Variants in DLG2 observed in about 807,000 individuals in gnomAD.
DLG2 encodes disks large homolog 2.
Under a neutral mutation model 132.5 loss-of-function variants are expected in DLG2, and 45 were observed. The ratio of observed to expected loss-of-function variants is 0.34; its 90% CI spans 0.27 to 0.44. The LOEUF is 0.44. Ranked by LOEUF, DLG2 falls within the 20% of genes least tolerant of loss-of-function variation. DLG2 has a pLI of 1.00. For synonymous variants in DLG2, 424 were observed against 419.6 expected (o/e 1.01, Z -0.13); for missense variants, 1,045 against 1,196.9 (o/e 0.87, Z 1.87).
At chr11:85,040,913 A>C (rs909107044) in intron 6 of DLG2, among the ~76,000 whole-genome samples, 8 of 151,868 alleles carry the variant, frequency 5.3e-5, no homozygotes, top group African/African-American at 1.9e-4. Context: ...GGAAACTAAG[A>C]GAAAAACGAT....
At chr11:84,794,550 A>T (rs1006448242) in intron 6 of DLG2, among the ~76,000 whole-genome samples, 1 of 152,160 alleles carries the variant, frequency 6.6e-6, no homozygotes, top group Non-Finnish European at 1.5e-5. Context: ...GAGCAGGCAG[A>T]AGCCTCACCT....
intron 7 of DLG2, among the ~76,000 whole-genome samples, chr11:84,344,088 A>C (rs1323365903): frequency 6.6e-6 from 1 of 152,190 alleles, no homozygotes; most frequent in African/African-American, 2.4e-5. Context: ...TATTTATTTA[A>C]AGTCAGAGAA....
chr11:84,535,013 A>T (rs2099351984), intron 6 of DLG2, among the ~76,000 whole-genome samples: 1 of 152,212 alleles, frequency 6.6e-6, no homozygotes, highest in Non-Finnish European at 1.5e-5. Flanking sequence ...AACAAATGAG[A>T]CAGAACATTT....
intron 3 of DLG2, among the ~76,000 whole-genome samples, chr11:85,474,146 A>G (rs1041867576): frequency 1.6e-4 from 24 of 152,156 alleles, no homozygotes; most frequent in African/African-American, 5.3e-4. Flanking sequence ...AAATTAACCA[A>G]AATAGTTAAA....
At chr11:83,846,531 G>C (rs1327345344) in intron 16 of DLG2, among the ~76,000 whole-genome samples, 1 of 152,188 alleles carries the variant, frequency 6.6e-6, no homozygotes, top group African/African-American at 2.4e-5. Context: ...CACTTCTGCT[G>C]CAAAGTGAGG....
intron 6 of DLG2, among the ~76,000 whole-genome samples, chr11:84,971,567 A>G (rs771413815): frequency 7.2e-5 from 11 of 152,230 alleles, no homozygotes; most frequent in Non-Finnish European, 1.2e-4. Context: ...GATTTTTTAC[A>G]TAAGAATAAC....
At chr11:85,441,777 A>T (rs2091790327) in intron 3 of DLG2, among the ~76,000 whole-genome samples, 1 of 152,200 alleles carries the variant, frequency 6.6e-6, no homozygotes, top group South Asian at 2.1e-4. Context: ...CTGAGGATAT[A>T]AAAATGAATG....
At chr11:84,156,345 C>G (rs1006411552) in intron 9 of DLG2, among the ~76,000 whole-genome samples, 1 of 152,036 alleles carries the variant, frequency 6.6e-6, no homozygotes, top group Non-Finnish European at 1.5e-5. Context: ...TTATATAACC[C>G]CAACATGATT....
chr11:84,928,193 A>G (rs2154089550), intron 6 of DLG2, among the ~76,000 whole-genome samples: 1 of 152,080 alleles, frequency 6.6e-6, no homozygotes, highest in East Asian at 1.9e-4. Flanking sequence ...TTGAGAAAGG[A>G]ACTATATAAT....
At chr11:84,318,212 G>C (rs1317956350) in intron 7 of DLG2, among the ~76,000 whole-genome samples, 2 of 152,166 alleles carry the variant, frequency 1.3e-5, no homozygotes, top group Non-Finnish European at 2.9e-5. Context: ...CTTCCAAAGA[G>C]GATTTTTGTG....
chr11:84,000,481 C>A lies in DLG2; in HGVS notation c.920-19839G>T, dbSNP rs567728209. ...AATATTGCATGAAAACTTCCCAAGT[C>A]TAGCAAGATAATTAGACATCCAGAT... On this transcript the variant is annotated intron_variant, in intron 11 of 27. Coordinates refer to ENST00000376104, the MANE Select transcript of DLG2 (RefSeq NM_001142699.3). Among the ~76,000 whole-genome samples, 12 of 152,076 alleles carry A rather than the reference C, an allele frequency of 7.9e-5. 1 individual carries two copies. In the South Asian group the frequency reaches 2.5e-3, roughly 32 times the overall value.
chr11:85,052,965 C>A (rs79760933), intron 6 of DLG2, among the ~76,000 whole-genome samples: 3 of 152,178 alleles, frequency 2.0e-5, no homozygotes, highest in East Asian at 1.9e-4. Flanking sequence ...CTACTCTATA[C>A]GCTACTTGCC....
chr11:84,643,061 G>A (rs527435299), intron 6 of DLG2, among the ~76,000 whole-genome samples: 1 of 152,060 alleles, frequency 6.6e-6, no homozygotes, highest in Admixed American at 6.6e-5. Flanking sequence ...TCAAGCTCTG[G>A]CCACAGTTAA....
chr11:85,032,382 C>G (rs973959317), intron 6 of DLG2, among the ~76,000 whole-genome samples: 8 of 152,162 alleles, frequency 5.3e-5, no homozygotes, highest in African/African-American at 1.7e-4. Flanking sequence ...AGTGTCCTAT[C>G]CTCCAAATTA....
chr11:84,298,821 G>A (rs1359706398), intron 7 of DLG2, among the ~76,000 whole-genome samples: 1 of 152,186 alleles, frequency 6.6e-6, no homozygotes, highest in Non-Finnish European at 1.5e-5. Context: ...GAGACTGCAT[G>A]GTGGCTTCAG....
chr11:85,619,663 C>T (rs1241798273), intron 2 of DLG2, among the ~76,000 whole-genome samples: 1 of 151,954 alleles, frequency 6.6e-6, no homozygotes, highest in African/African-American at 2.4e-5. Context: ...GTGAAATCCC[C>T]TCTCTTCCAA....
chr11:85,510,912 C>T (rs2094050268), intron 3 of DLG2, among the ~76,000 whole-genome samples: 3 of 152,160 alleles, frequency 2.0e-5, no homozygotes. Flanking sequence ...GCTATAAAGA[C>T]ACGTGCACAC....
intron 18 of DLG2, chr11:83,682,063 C>T: frequency 3.4e-6 from 3 of 885,974 alleles, no homozygotes; most frequent in Non-Finnish European, 4.1e-6. Context: ...CAAACACTGA[C>T]ACACACTTCT....
chr11:85,444,470 A>C (rs1158548550), intron 3 of DLG2, among the ~76,000 whole-genome samples: 1 of 152,212 alleles, frequency 6.6e-6, no homozygotes, highest in Non-Finnish European at 1.5e-5. Flanking sequence ...TTTTGGTGGA[A>C]ACTGGCTAAC....
Sources: gnomAD v4.1 joint callset for allele counts (sites outside exome capture counted in the v4.1 genomes callset) on GRCh38, gnomAD v4.1.1 for gene constraint, MANE v1.5 for transcripts, NCBI Gene and HGNC (gene_info 2026-07-23, HGNC 2026-07-21) for gene names.